The following MALRD1 variants were observed in gnomAD, a reference collection of about 807,000 sequenced individuals.
MALRD1 encodes the protein MAM and LDL receptor class A domain containing 1.
In MALRD1, 247 loss-of-function variants were observed where a neutral mutation model predicts 242.1. That is an observed-to-expected ratio of 1.02 (90% CI 0.92 to 1.13). The LOEUF is 1.13. MALRD1 is among the 50% of genes most tolerant of loss of function. MALRD1 has a pLI of 0.00. For synonymous variants in MALRD1, 995 were observed against 866.6 expected (o/e 1.15, Z -2.60); for missense variants, 2,989 against 2,533.1 (o/e 1.18, Z -3.86).
intron 19 of MALRD1, among the ~76,000 whole-genome samples, chr10:19,275,298 A>T (rs1840454730): frequency 6.6e-6 from 1 of 152,210 alleles, no homozygotes; most frequent in Non-Finnish European, 1.5e-5. Flanking sequence ...TTTGTCTCAA[A>T]TGCAAAGTTA....
intron 29 of MALRD1, among the ~76,000 whole-genome samples, chr10:19,470,135 C>G (rs1836424221): frequency 6.6e-6 from 1 of 151,988 alleles, no homozygotes; most frequent in Admixed American, 6.6e-5. Context: ...CTCTGGCAAT[C>G]ACCATTCTAT....
At chr10:19,278,851 G>A (rs917543785) in intron 19 of MALRD1, among the ~76,000 whole-genome samples, 4 of 152,066 alleles carry the variant, frequency 2.6e-5, no homozygotes, top group Admixed American at 2.0e-4. Flanking sequence ...GATATAATAA[G>A]CAAATTAACA....
At chr10:19,678,471 G>C (rs993345150) in intron 36 of MALRD1, among the ~76,000 whole-genome samples, 1 of 152,184 alleles carries the variant, frequency 6.6e-6, no homozygotes, top group East Asian at 1.9e-4. Context: ...CTCTCTGCTC[G>C]TATATTGTTG....
At chr10:19,159,045 G>A (rs908486254) in intron 12 of MALRD1, among the ~76,000 whole-genome samples, 8 of 152,184 alleles carry the variant, frequency 5.3e-5, no homozygotes, top group Admixed American at 2.0e-4. Flanking sequence ...AGGGCGAGCA[G>A]GTGCTCTCTC....
At chr10:19,211,971 T>C (rs1242628190) in intron 18 of MALRD1, among the ~76,000 whole-genome samples, 1 of 152,166 alleles carries the variant, frequency 6.6e-6, no homozygotes, top group African/African-American at 2.4e-5. Context: ...AAATTGTACA[T>C]GTAAGTATAC....
At chr10:19,226,104 A>C (rs74118879) in intron 18 of MALRD1, among the ~76,000 whole-genome samples, 5,612 of 152,232 alleles carry the variant, frequency 0.037, 244 homozygotes, top group East Asian at 0.18. Flanking sequence ...CAACATTCTT[A>C]ATACAATATT....
chr10:19,694,772 T>G (rs918197204), intron 38 of MALRD1, among the ~76,000 whole-genome samples: 1 of 152,174 alleles, frequency 6.6e-6, no homozygotes, highest in Admixed American at 6.5e-5. Context: ...CACATGCACA[T>G]GTACGTTTAT....
Position 19,166,709 on chromosome 10 carries a change from G to T in MALRD1, c.1830+899G>T, listed in dbSNP as rs116288060. Among the ~76,000 whole-genome samples the T allele has an allele frequency of 7.9e-3, 1,208 of 152,216 alleles. 18 individuals are homozygous for T. Among genetic ancestry groups the T allele is most frequent in the African/African-American group, 0.028 (1,146 of 41,538 alleles). The stretch of plus-strand genomic sequence containing the variant: ...CCCCATAAATATGTACAACTACTAT[G>T]TATTAATAAAATATAATAATAAAAG... On this transcript the variant is annotated intron_variant, in intron 13 of 39. Coordinates refer to ENST00000454679, the MANE Select transcript of MALRD1 (RefSeq NM_001142308.3).
chr10:19,263,166 G>T (rs1839828808), intron 19 of MALRD1, among the ~76,000 whole-genome samples: 1 of 152,150 alleles, frequency 6.6e-6, no homozygotes, highest in Non-Finnish European at 1.5e-5. Context: ...CCAGAACTGG[G>T]ATTGCTGGAT....
intron 32 of MALRD1, among the ~76,000 whole-genome samples, chr10:19,566,418 C>T (rs917047646): frequency 1.3e-5 from 2 of 150,012 alleles, no homozygotes; most frequent in African/African-American, 4.9e-5. Flanking sequence ...GGATTACAGG[C>T]GTGAGCCACC....
At chr10:19,621,596 A>ACT (rs1839405094) in intron 36 of MALRD1, among the ~76,000 whole-genome samples, 1 of 151,684 alleles carries the variant, frequency 6.6e-6, no homozygotes, top group Non-Finnish European at 1.5e-5. Context: ...GTGGAAGAAA[A>ACT]AGAACATGCA....
At position 19,450,484 on chromosome 10, in the gene MALRD1, A is replaced by G. The variant is rs1835262857; in HGVS notation, c.5023A>G (p.Thr1675Ala). ...TGATGATATTGAATTTAAAAACTGC[A>G]CAACTGGTAAGTTTCCAGAAAGCAC... ...AIDDIEFKNCTTVGEISELCP... is the reference protein window; with the variant it reads ...AIDDIEFKNCATVGEISELCP... Residue 1675 changes from threonine (T) to alanine (A), a missense_variant, in exon 29 of 40, where the codon ACA becomes GCA. Thr to Ala is a moderately conservative substitution (Grantham distance 58). Transcript: ENST00000454679. 8 of 1,544,740 alleles carry G rather than the reference A, an allele frequency of 5.2e-6. No homozygotes were observed. The highest frequency in any genetic ancestry group is 1.2e-5 in the South Asian group (1 of 82,692).
At chr10:19,118,606 G>C (rs867883572) in intron 5 of MALRD1, among the ~76,000 whole-genome samples, 1 of 152,154 alleles carries the variant, frequency 6.6e-6, no homozygotes, top group Non-Finnish European at 1.5e-5. Context: ...AAGCTTCAGA[G>C]AAAATAGACT....
intron 18 of MALRD1, among the ~76,000 whole-genome samples, chr10:19,230,093 C>T (rs1837984789): frequency 6.6e-6 from 1 of 152,098 alleles, no homozygotes; most frequent in South Asian, 2.1e-4. Flanking sequence ...TGCTGTTTGC[C>T]TGCTGCCATG....
intron 36 of MALRD1, among the ~76,000 whole-genome samples, chr10:19,644,793 T>C (rs981877905): frequency 3.9e-5 from 6 of 152,188 alleles, no homozygotes; most frequent in African/African-American, 9.6e-5. Flanking sequence ...CCTAAAGTCA[T>C]GCAGCTAACA....
At chr10:19,359,656 G>C (rs1398129933) in intron 26 of MALRD1, among the ~76,000 whole-genome samples, 1 of 151,644 alleles carries the variant, frequency 6.6e-6, no homozygotes, top group African/African-American at 2.4e-5. Flanking sequence ...GAAAATTGTG[G>C]AGAGGAAAGC....
At chr10:19,220,554 G>A (rs527366595) in intron 18 of MALRD1, among the ~76,000 whole-genome samples, 14 of 152,142 alleles carry the variant, frequency 9.2e-5, no homozygotes, top group Middle Eastern at 3.4e-3. Context: ...TATCAGAATC[G>A]CAGAACATTG....
intron 36 of MALRD1, among the ~76,000 whole-genome samples, chr10:19,616,428 C>T (rs73595864): frequency 6.6e-6 from 1 of 151,850 alleles, no homozygotes; most frequent in East Asian, 1.9e-4. Context: ...CAAGAGTAAA[C>T]AAAAATAGGC....
intron 21 of MALRD1, among the ~76,000 whole-genome samples, chr10:19,296,170 G>A (rs985980102): frequency 4.6e-5 from 7 of 151,992 alleles, no homozygotes; most frequent in Admixed American, 4.6e-4. Flanking sequence ...CACAGTTCCA[G>A]GGAATATTTC....
Sources: allele counts gnomAD v4.1 joint callset (sites outside exome capture counted in the v4.1 genomes callset), GRCh38; gene constraint gnomAD v4.1.1; transcripts MANE v1.5; gene names NCBI Gene and HGNC (gene_info 2026-07-23, HGNC 2026-07-21).